ATP9B: variants seen among roughly 807,000 people sequenced by gnomAD.
ATP9B encodes ATPase phospholipid transporting 9B.
In ATP9B, 110 loss-of-function variants were observed where a neutral mutation model predicts 146.1. The ratio of observed to expected loss-of-function variants is 0.75; its 90% CI spans 0.65 to 0.88. The LOEUF is 0.88. Ranked by LOEUF, ATP9B falls within the 40% of genes least tolerant of loss-of-function variation. The pLI is 0.00. For synonymous variants in ATP9B, 604 were observed against 569.7 expected, an observed-to-expected ratio of 1.06 and a Z score of -0.86; for missense variants, 1,499 against 1,496.4, an observed-to-expected ratio of 1.00 and a Z score of -0.03.
At chr18:79,092,869 A>C (rs533529762) in intron 1 of ATP9B, among the ~76,000 whole-genome samples, 1 of 152,268 alleles carries the variant, frequency 6.6e-6, no homozygotes, top group South Asian at 2.1e-4. Flanking sequence ...TTAAAAAATA[A>C]ATAGAAAATG....
chr18:79,224,821 GC>G (rs2095713277), intron 11 of ATP9B, among the ~76,000 whole-genome samples: 1 of 152,196 alleles, frequency 6.6e-6, no homozygotes. Flanking sequence ...TCCACCCTGG[GC>G]AGGCCGTGTA....
At chr18:79,146,857 T>G (rs2094599163) in intron 6 of ATP9B, 2 of 152,462 alleles carry the variant, frequency 1.3e-5, no homozygotes, top group Admixed American at 6.5e-5. Flanking sequence ...GGAAACCAAC[T>G]GAAAACAAAT....
chr18:79,303,607 C>A lies in ATP9B; in HGVS notation c.1415C>A (p.Thr472Asn). ...LVYLLTDKTGTLTQNEMIFKR... is the reference protein window; with the variant it reads ...LVYLLTDKTGNLTQNEMIFKR... Reference sequence around the variant, plus strand: ...GCTGTTGTCCCCTTTATCCTAGGAACCCTCACCCAGAATGAAATGATATTT... The same window carrying A: ...GCTGTTGTCCCCTTTATCCTAGGAAACCTCACCCAGAATGAAATGATATTT... Residue 472 changes from threonine to asparagine, a missense_variant, in exon 14 of 30, where the codon ACC (threonine) becomes AAC (asparagine). Thr to Asn is a moderately conservative substitution (Grantham distance 65). Transcript: ENST00000426216. 6.2e-7 allele frequency: 1 copy of A among 1,613,582 alleles called. No individual in the cohort carries two copies. Among genetic ancestry groups the A allele is most frequent in the Non-Finnish European group, 8.5e-7 (1 of 1,179,638 alleles).
Position 79,363,213 on chromosome 18 carries a change from T to G in ATP9B, c.3012+3751T>G, listed in dbSNP as rs552966554. 11 of 152,328 alleles carry G rather than the reference T, an allele frequency of 7.2e-5. 1 individual carries two copies. In the South Asian group the frequency reaches 2.1e-3, roughly 29 times the overall value. 9.4% of individuals were successfully genotyped at this position (152,328 alleles called of 1,614,324 possible). A position where few individuals can be genotyped will look rare whatever the true frequency, so the allele number is the denominator to read the frequency against. On this transcript the variant is annotated intron_variant, in intron 26 of 29. Coordinates refer to ENST00000426216, the MANE Select transcript of ATP9B (RefSeq NM_198531.5). ...GTACACTAGCAATGAATAATTGGGGTTTGAAAAAATTTGTAAACATTTATA... is the reference window on the plus strand; with the variant it reads ...GTACACTAGCAATGAATAATTGGGGGTTGAAAAAATTTGTAAACATTTATA...
chr18:79,376,968 G>A (rs949379427), intron 29 of ATP9B, among the ~76,000 whole-genome samples: 2 of 152,186 alleles, frequency 1.3e-5, no homozygotes, highest in African/African-American at 4.8e-5. Flanking sequence ...CAAAAGTGCT[G>A]GGATTATAGG....
rs398033647 is a variant in ATP9B at position 79,256,286 on chromosome 18, T to TATATATATATATACACACACAC, written c.1268+2746_1268+2747insTATATATATATACACACACACA. Among the ~76,000 whole-genome samples the TATATATATATATACACACACAC allele has an allele frequency of 1.5e-3, 180 of 123,040 alleles. 8 individuals are homozygous for TATATATATATATACACACACAC. The highest frequency in any genetic ancestry group is 2.3e-3 in the Non-Finnish European group (133 of 58,402). 80.7% of individuals were successfully genotyped at this position (123,040 alleles called of 152,430 possible). On this transcript the variant is annotated intron_variant, in intron 12 of 29. Coordinates refer to ENST00000426216, the MANE Select transcript of ATP9B (RefSeq NM_198531.5). ...ATATATATATATATATATATATATA[T>TATATATATATATACACACACAC]ACATACATAGTGAGGCTATGTTATT...
chr18:79,373,447 T>A (rs1035428836), intron 27 of ATP9B, among the ~76,000 whole-genome samples: 7 of 151,914 alleles, frequency 4.6e-5, no homozygotes, highest in East Asian at 3.9e-4. Context: ...AGAGTTTAAG[T>A]GACTTGTTCA....
chr18:79,077,032 C>A (rs2072703714), intron 1 of ATP9B, among the ~76,000 whole-genome samples: 1 of 152,168 alleles, frequency 6.6e-6, no homozygotes, highest in East Asian at 1.9e-4. Flanking sequence ...CAAGTCTGTT[C>A]ATAATTGTCC....
intron 12 of ATP9B, among the ~76,000 whole-genome samples, chr18:79,273,576 G>A (rs937977670): frequency 2.6e-5 from 4 of 152,228 alleles, no homozygotes; most frequent in African/African-American, 9.6e-5. Context: ...AATTATTTCA[G>A]GTAGTTTCAT....
chr18:79,214,033 A>G lies in ATP9B; in HGVS notation c.1102A>G (p.Asn368Asp). 6.3e-7 allele frequency: 1 copy of G among 1,594,922 alleles called. No individual in the cohort carries two copies. Among genetic ancestry groups the G allele is most frequent in the Non-Finnish European group, 8.5e-7 (1 of 1,173,696 alleles). ...TGTAATGAACACATCCAATCCAAAA[A>G]ATAAGGTAGGCTAGATTGAGGAGCA... ...RSVMNTSNPK[N>D]KVGLLDLELN... The change falls in exon 11 of 30, where the codon AAT becomes GAT. Residue 368 changes from asparagine (N) to aspartate (D), a missense_variant. Physicochemically the swap from Asn to Asp is conservative, Grantham distance 23 (BLOSUM62 1). Transcript: ENST00000426216.
intron 12 of ATP9B, among the ~76,000 whole-genome samples, chr18:79,264,149 A>G (rs2096176533): frequency 2.0e-5 from 3 of 152,186 alleles, no homozygotes; most frequent in South Asian, 4.1e-4. Flanking sequence ...TTATTTGTCA[A>G]ATTTACCAGA....
intron 11 of ATP9B, among the ~76,000 whole-genome samples, chr18:79,238,401 G>A (rs1047626728): frequency 1.2e-4 from 18 of 152,332 alleles, no homozygotes; most frequent in Admixed American, 2.6e-4. Flanking sequence ...TGCAGGCCAG[G>A]AACACATCAG....
intron 11 of ATP9B, among the ~76,000 whole-genome samples, chr18:79,229,369 TTTC>T (rs1260013909): frequency 3.3e-5 from 5 of 152,120 alleles, no homozygotes; most frequent in Admixed American, 1.3e-4. Context: ...AGGCAACAGT[TTTC>T]TTAAGTTAAA....
Position 79,280,333 on chromosome 18 carries a change from A to T in ATP9B, c.1411+3137A>T, listed in dbSNP as rs79325984. 9.2e-5 allele frequency among the ~76,000 whole-genome samples: 14 copies of T among 152,316 alleles called. No individual in the cohort carries two copies. In the East Asian group the frequency reaches 2.5e-3, roughly 27 times the overall value. Reference sequence around the variant, plus strand: ...GGATCAAGCTGTAAATAAAAGAAACATTAAAAAAAGCATGTAGACCAATAT... The same window carrying T: ...GGATCAAGCTGTAAATAAAAGAAACTTTAAAAAAAGCATGTAGACCAATAT... On this transcript the variant is annotated intron_variant, in intron 13 of 29. Transcript: ENST00000426216.
intron 12 of ATP9B, among the ~76,000 whole-genome samples, chr18:79,275,028 C>T (rs1311347168): frequency 6.6e-6 from 1 of 152,180 alleles, no homozygotes; most frequent in African/African-American, 2.4e-5. Context: ...TCAGAAATTC[C>T]CAGCTAACAG....
chr18:79,096,728 A>C, intron 2 of ATP9B, 79 bp downstream of exon 2: 1 of 1,108,582 alleles, frequency 9.0e-7, no homozygotes, highest in Non-Finnish European at 1.3e-6. Flanking sequence ...CTTATTAGCT[A>C]TATTAATATA....
rs1462336410 is a variant in ATP9B, at chr18:79,345,524, A to G, written c.2569A>G (p.Ile857Val). ...CTGCTCACCCACCCAGAAGGCCCGC[A>G]TTGTGACACTGCTGCAGCAGCACAC... The part of the protein sequence containing the change: ...CRCSPTQKAR[I>V]VTLLQQHTGR... The change falls in exon 22 of 30, where the codon ATT becomes GTT. Residue 857 changes from isoleucine (I) to valine (V), a missense_variant. By Grantham distance (29) the Ile-to-Val change is conservative. Coordinates refer to ENST00000426216, the MANE Select transcript of ATP9B (RefSeq NM_198531.5). 2 of 1,612,396 alleles carry G rather than the reference A, an allele frequency of 1.2e-6. No individual in the cohort carries two copies. Among genetic ancestry groups the G allele is most frequent in the East Asian group, 4.5e-5 (2 of 44,876 alleles).
chr18:79,116,940 TAAAA>T (rs377608135), intron 4 of ATP9B, among the ~76,000 whole-genome samples: 12 of 106,820 alleles, frequency 1.1e-4, no homozygotes, highest in African/African-American at 3.2e-4. Flanking sequence ...AAAAAAAAAT[TAAAA>T]AAAAAAAAAA....
chr18:79,242,107 CCA>C (rs1287605508), intron 11 of ATP9B, among the ~76,000 whole-genome samples: 3 of 152,148 alleles, frequency 2.0e-5, no homozygotes, highest in Non-Finnish European at 4.4e-5. Flanking sequence ...AAAATGGTGA[CCA>C]TTTTGCGAGG....
Sources: allele counts gnomAD v4.1 joint callset (sites outside exome capture counted in the v4.1 genomes callset), GRCh38; gene constraint gnomAD v4.1.1; transcripts MANE v1.5; gene names NCBI Gene and HGNC (gene_info 2026-07-23, HGNC 2026-07-21).